The following FHIT variants were observed in gnomAD, a reference collection of about 807,000 sequenced individuals.
FHIT encodes the protein fragile histidine triad diadenosine triphosphatase, also known as bis(5'-adenosyl)-triphosphatase.
FHIT carries 19 observed loss-of-function variants against 17.9 expected under a neutral mutation model. That is an observed-to-expected ratio of 1.06 (90% CI 0.74 to 1.56). FHIT has a LOEUF of 1.56. Among genes scored for constraint, FHIT ranks in the 40% most tolerant of loss-of-function variants. FHIT has a pLI of 0.00. For synonymous variants in FHIT, 81 were observed against 69.7 expected, an observed-to-expected ratio of 1.16 and a Z score of -0.81; for missense variants, 248 against 189.2, an observed-to-expected ratio of 1.31 and a Z score of -1.82.
intron 5 of FHIT, among the ~76,000 whole-genome samples, chr3:60,176,417 A>G (rs1211539693): frequency 6.6e-6 from 1 of 152,198 alleles, no homozygotes; most frequent in Non-Finnish European, 1.5e-5. Flanking sequence ...ACTCTATCAG[A>G]TATTAATTAG....
At chr3:60,178,296 G>C (rs1701772762) in intron 5 of FHIT, among the ~76,000 whole-genome samples, 1 of 152,070 alleles carries the variant, frequency 6.6e-6, no homozygotes. Context: ...TTATAAAGAA[G>C]CGCAGATAAG....
intron 4 of FHIT, among the ~76,000 whole-genome samples, chr3:60,669,153 T>C (rs2040452234): frequency 6.6e-6 from 1 of 152,226 alleles, no homozygotes; most frequent in Non-Finnish European, 1.5e-5. Context: ...TAAAGGTACT[T>C]ATACATGAAT....
chr3:59,854,436 A>G lies in FHIT; in HGVS notation c.348+67910T>C, dbSNP rs574820713. 2.6e-4 allele frequency among the ~76,000 whole-genome samples: 40 copies of G among 152,292 alleles called. No individual in the cohort carries two copies. In the Middle Eastern group the frequency reaches 0.01, roughly 39 times the overall value. The stretch of plus-strand genomic sequence containing the variant: ...GTCAAGTTTCCCATCTGACTTTCCA[A>G]TGAGCATCCCAATCATCACTTAGGT... On this transcript the variant is annotated intron_variant, in intron 8 of 9. Transcript: ENST00000492590.
At chr3:60,004,512 A>G (rs1699849457) in intron 7 of FHIT, among the ~76,000 whole-genome samples, 1 of 152,144 alleles carries the variant, frequency 6.6e-6, no homozygotes, top group African/African-American at 2.4e-5. Context: ...TCCTCTGGAT[A>G]TTTTTAGATG....
At chr3:60,523,729 CTG>C (rs1157406670) in intron 5 of FHIT, among the ~76,000 whole-genome samples, 2 of 152,204 alleles carry the variant, frequency 1.3e-5, no homozygotes, top group Non-Finnish European at 2.9e-5. Context: ...GAGGAAATAA[CTG>C]ATTTCATCAG....
chr3:59,790,497 T>C (rs1323678638), intron 8 of FHIT, among the ~76,000 whole-genome samples: 2 of 142,598 alleles, frequency 1.4e-5, no homozygotes, highest in Non-Finnish European at 3.0e-5. Context: ...TGCTTCTCTC[T>C]CTCTCTCTTT....
intron 8 of FHIT, among the ~76,000 whole-genome samples, chr3:59,855,077 G>A (rs755080101): frequency 1.5e-4 from 23 of 152,148 alleles, no homozygotes; most frequent in Non-Finnish European, 2.6e-4. Flanking sequence ...CTCAGTACTT[G>A]GATCTATCAT....
intron 5 of FHIT, among the ~76,000 whole-genome samples, chr3:60,444,627 T>C (rs1576665436): frequency 6.6e-6 from 1 of 152,052 alleles, no homozygotes; most frequent in Non-Finnish European, 1.5e-5. Flanking sequence ...TTCTCACTCA[T>C]AGCTGGGAAT....
chr3:60,653,431 G>GA (rs2040042953), intron 4 of FHIT, among the ~76,000 whole-genome samples: 1 of 151,686 alleles, frequency 6.6e-6, no homozygotes, highest in Admixed American at 6.6e-5. Context: ...AAGTAAGTGA[G>GA]AAAAAAATAA....
intron 5 of FHIT, among the ~76,000 whole-genome samples, chr3:60,418,085 T>C (rs1702317161): frequency 1.3e-5 from 2 of 152,038 alleles, no homozygotes; most frequent in African/African-American, 4.8e-5. Flanking sequence ...TTGCAATTAA[T>C]ATTATAAAAG....
At chr3:59,846,753 G>A (rs966028642) in intron 8 of FHIT, among the ~76,000 whole-genome samples, 8 of 152,020 alleles carry the variant, frequency 5.3e-5, no homozygotes, top group Non-Finnish European at 5.9e-5. Context: ...TTTCTTGAAG[G>A]GCAGATCTAG....
chr3:60,183,168 C>T (rs1479409840), intron 5 of FHIT, among the ~76,000 whole-genome samples: 4 of 152,052 alleles, frequency 2.6e-5, no homozygotes, highest in Admixed American at 6.5e-5. Flanking sequence ...GAGGCCGAGG[C>T]GTGCACATCA....
chr3:61,027,643 A>AAC (rs1205213273), intron 3 of FHIT, among the ~76,000 whole-genome samples: 2 of 151,964 alleles, frequency 1.3e-5, no homozygotes, highest in African/African-American at 2.4e-5. Context: ...TATTCTGAAT[A>AAC]ACACACACAC....
chr3:60,504,083 A>G (rs2034628107), intron 5 of FHIT, among the ~76,000 whole-genome samples: 1 of 152,200 alleles, frequency 6.6e-6, no homozygotes, highest in African/African-American at 2.4e-5. Context: ...ATTGTGAAGT[A>G]TATTCTCTAA....
chr3:60,041,348 T>C (rs1011978391), intron 5 of FHIT, among the ~76,000 whole-genome samples: 2 of 152,200 alleles, frequency 1.3e-5, no homozygotes, highest in African/African-American at 4.8e-5. Context: ...TTTTAGTTTG[T>C]CTTTTATGTT....
chr3:60,828,375 T>A (rs1363832789), intron 3 of FHIT, among the ~76,000 whole-genome samples: 8 of 152,282 alleles, frequency 5.3e-5, no homozygotes, highest in Admixed American at 1.3e-4. Flanking sequence ...TCAACGCTCA[T>A]TAAAAGCACA....
At chr3:60,019,180 G>T (rs180885062) in intron 5 of FHIT, among the ~76,000 whole-genome samples, 308 of 152,238 alleles carry the variant, frequency 2.0e-3, no homozygotes, top group Middle Eastern at 0.014. Flanking sequence ...CAGAATCTCT[G>T]AATTTGCTTA....
At chr3:60,898,905 A>C (rs1392301608) in intron 3 of FHIT, among the ~76,000 whole-genome samples, 1 of 152,200 alleles carries the variant, frequency 6.6e-6, no homozygotes, top group Non-Finnish European at 1.5e-5. Context: ...AAAAATCCAT[A>C]AATAATTCTC....
intron 8 of FHIT, among the ~76,000 whole-genome samples, chr3:59,772,765 C>A (rs1431816736): frequency 6.6e-6 from 1 of 152,158 alleles, no homozygotes; most frequent in Non-Finnish European, 1.5e-5. Flanking sequence ...ATTTAGACCA[C>A]CCAGAAGAGC....
Sources: gnomAD v4.1 joint callset for allele counts (sites outside exome capture counted in the v4.1 genomes callset) on GRCh38, gnomAD v4.1.1 for gene constraint, MANE v1.5 for transcripts, NCBI Gene and HGNC (gene_info 2026-07-23, HGNC 2026-07-21) for gene names.